The following GPC6 variants were observed in gnomAD, a reference collection of about 807,000 sequenced individuals.
The protein encoded by GPC6 is glypican 6.
In GPC6, 14 loss-of-function variants were observed where a neutral mutation model predicts 55.2. That is an observed-to-expected ratio of 0.25 (90% CI 0.17 to 0.40). GPC6 has a LOEUF of 0.40. Among genes scored for constraint, GPC6 ranks in the 10% least tolerant of loss-of-function variants. The pLI, the probability that GPC6 is intolerant of heterozygous loss-of-function variation, is 1.00. For synonymous variants in GPC6, 278 were observed against 259.6 expected, an observed-to-expected ratio of 1.07 and a Z score of -0.68; for missense variants, 641 against 708.5, an observed-to-expected ratio of 0.90 and a Z score of 1.08.
At chr13:93,655,507 A>G (rs963091197) in intron 2 of GPC6, among the ~76,000 whole-genome samples, 3 of 152,186 alleles carry the variant, frequency 2.0e-5, no homozygotes, top group African/African-American at 7.2e-5. Context: ...ATGTCAGTGA[A>G]TGATGGATCC....
At chr13:93,336,945 G>A (rs1880066935) in intron 1 of GPC6, among the ~76,000 whole-genome samples, 1 of 152,164 alleles carries the variant, frequency 6.6e-6, no homozygotes, top group African/African-American at 2.4e-5. Flanking sequence ...GACAAATGCT[G>A]TCAAAGCTCC....
intron 1 of GPC6, among the ~76,000 whole-genome samples, chr13:93,525,693 G>A (rs1220348611): frequency 6.6e-6 from 1 of 152,078 alleles, no homozygotes; most frequent in Admixed American, 6.6e-5. Context: ...TGATGGTTGA[G>A]CTTGAGGTCA....
At chr13:93,617,813 G>T (rs767060873) in intron 2 of GPC6, among the ~76,000 whole-genome samples, 1 of 151,968 alleles carries the variant, frequency 6.6e-6, no homozygotes, top group African/African-American at 2.4e-5. Flanking sequence ...AATCTAAATG[G>T]TTATAACACA....
At chr13:94,178,131 G>A (rs1171403299) in intron 4 of GPC6, among the ~76,000 whole-genome samples, 2 of 150,268 alleles carry the variant, frequency 1.3e-5, no homozygotes, top group Non-Finnish European at 2.9e-5. Flanking sequence ...CGATTCTCCT[G>A]CCTCAGCCTC....
chr13:94,199,549 G>C (rs955648502), intron 4 of GPC6, among the ~76,000 whole-genome samples: 2 of 152,162 alleles, frequency 1.3e-5, no homozygotes, highest in Non-Finnish European at 2.9e-5. Flanking sequence ...GTAACACAGT[G>C]CTTTGGCTTG....
At chr13:93,475,023 A>G (rs1665176729) in intron 1 of GPC6, among the ~76,000 whole-genome samples, 1 of 152,182 alleles carries the variant, frequency 6.6e-6, no homozygotes, top group Non-Finnish European at 1.5e-5. Flanking sequence ...GCATGTGCCT[A>G]TAATTGCAGC....
intron 1 of GPC6, among the ~76,000 whole-genome samples, chr13:93,477,483 A>G (rs943849784): frequency 2.6e-5 from 4 of 152,156 alleles, no homozygotes; most frequent in African/African-American, 9.6e-5. Flanking sequence ...ATGTTTAAAC[A>G]AGTTTTCATG....
intron 6 of GPC6, among the ~76,000 whole-genome samples, chr13:94,313,072 G>C (rs773920713): frequency 2.0e-5 from 3 of 151,992 alleles, no homozygotes; most frequent in Non-Finnish European, 4.4e-5. Flanking sequence ...AGCTTTCAAA[G>C]CAGGGAGAAA....
chr13:93,465,040 T>G (rs562170135), intron 1 of GPC6, among the ~76,000 whole-genome samples: 1 of 152,312 alleles, frequency 6.6e-6, no homozygotes, highest in East Asian at 1.9e-4. Context: ...TCTGTTGTTT[T>G]TCTGAACAGT....
intron 3 of GPC6, among the ~76,000 whole-genome samples, chr13:93,993,076 G>A (rs550965052): frequency 5.3e-5 from 8 of 152,072 alleles, no homozygotes; most frequent in Admixed American, 3.9e-4. Context: ...CTAGGAAATG[G>A]TAGTTGATTA....
intron 1 of GPC6, among the ~76,000 whole-genome samples, chr13:93,373,016 G>C (rs1251298479): frequency 2.0e-5 from 3 of 152,074 alleles, no homozygotes; most frequent in African/African-American, 7.2e-5. Context: ...GGAGCAGCAC[G>C]CAATTAGCTA....
Position 94,138,782 on chromosome 13 carries a change from A to T in GPC6, c.877+110888A>T, listed in dbSNP as rs950213361. On this transcript the variant is annotated intron_variant, in intron 4 of 8. Transcript: ENST00000377047. ...AGCCAGACACCAGCCTGTAACAATG[A>T]CAATAGCGACAAGGATGGCAGAAGC... Among the ~76,000 whole-genome samples the T allele has an allele frequency of 2.9e-4, 44 of 152,298 alleles. 1 individual carries two copies. Among genetic ancestry groups the T allele is most frequent in the African/African-American group, 1.0e-3 (42 of 41,560 alleles).
intron 2 of GPC6, among the ~76,000 whole-genome samples, chr13:93,624,412 G>A (rs1238097818): frequency 6.6e-6 from 1 of 152,182 alleles, no homozygotes; most frequent in African/African-American, 2.4e-5. Flanking sequence ...CATTTCAAAA[G>A]CAGGGCTTTA....
At chr13:93,645,079 G>A (rs1056737185) in intron 2 of GPC6, among the ~76,000 whole-genome samples, 10 of 152,092 alleles carry the variant, frequency 6.6e-5, no homozygotes, top group African/African-American at 2.4e-4. Context: ...AAGAGGATAA[G>A]AATCAGGGGT....
intron 3 of GPC6, among the ~76,000 whole-genome samples, chr13:94,007,958 CA>C (rs544636710): frequency 5.1e-4 from 78 of 152,072 alleles, no homozygotes; most frequent in Non-Finnish European, 1.0e-3. Context: ...GCCATCCCCC[CA>C]AACAAAGCAT....
At chr13:94,148,061 T>C (rs1887621577) in intron 4 of GPC6, among the ~76,000 whole-genome samples, 1 of 152,200 alleles carries the variant, frequency 6.6e-6, no homozygotes, top group Admixed American at 6.5e-5. Flanking sequence ...GTATATATAT[T>C]GCCAGCTACC....
chr13:93,453,850 A>G (rs1050369872), intron 1 of GPC6, among the ~76,000 whole-genome samples: 2 of 152,016 alleles, frequency 1.3e-5, no homozygotes, highest in Admixed American at 6.5e-5. Flanking sequence ...TATTGCAAAG[A>G]GCAAAAGAAC....
intron 3 of GPC6, among the ~76,000 whole-genome samples, chr13:94,016,838 C>CT (rs144997234): frequency 0.075 from 10,763 of 143,578 alleles, 449 homozygotes; most frequent in Non-Finnish European, 0.1. Flanking sequence ...AAACAGTTTT[C>CT]TTTTTTTTTT....
intron 4 of GPC6, among the ~76,000 whole-genome samples, chr13:94,131,991 A>T (rs1314120002): frequency 6.6e-6 from 1 of 152,214 alleles, no homozygotes; most frequent in African/African-American, 2.4e-5. Context: ...TTTCTCAGAC[A>T]CTTCAGTAAA....
Sources: gnomAD v4.1 joint callset for allele counts (sites outside exome capture counted in the v4.1 genomes callset) on GRCh38, gnomAD v4.1.1 for gene constraint, MANE v1.5 for transcripts, NCBI Gene and HGNC (gene_info 2026-07-23, HGNC 2026-07-21) for gene names.